The following MGMT variants were observed in gnomAD, a reference collection of about 807,000 sequenced individuals.
MGMT encodes methylated-DNA--protein-cysteine methyltransferase.
Under a neutral mutation model 15.9 loss-of-function variants are expected in MGMT, and 14 were observed. That is an observed-to-expected ratio of 0.88 (90% CI 0.58 to 1.37). The LOEUF (loss-of-function observed/expected upper bound fraction) is 1.37, where lower values mean the gene tolerates loss of function less well. Among genes scored for constraint, MGMT ranks in the 40% most tolerant of loss-of-function variants. The probability of loss-of-function intolerance (pLI) is 0.00; values close to 1 mark genes in which losing one functional copy is unlikely to be tolerated. For synonymous variants in MGMT, 130 were observed against 118.2 expected (o/e 1.10, Z -0.65); for missense variants, 282 against 268.1 (o/e 1.05, Z -0.36).
intron 2 of MGMT, among the ~76,000 whole-genome samples, chr10:129,591,684 C>A (rs1410451812): frequency 6.6e-6 from 1 of 152,226 alleles, no homozygotes; most frequent in Non-Finnish European, 1.5e-5. Flanking sequence ...GTAATCCCAG[C>A]ACTTTGGGAG....
intron 1 of MGMT, among the ~76,000 whole-genome samples, chr10:129,496,328 T>A (rs1433875902): frequency 3.3e-5 from 5 of 152,126 alleles, no homozygotes; most frequent in Non-Finnish European, 7.4e-5. Context: ...GCCTTTTCCA[T>A]AGGCTCCAAT....
chr10:129,541,387 G>A (rs958682175), intron 2 of MGMT, among the ~76,000 whole-genome samples: 3 of 152,348 alleles, frequency 2.0e-5, no homozygotes, highest in African/African-American at 7.2e-5. Flanking sequence ...GCTCCCCCGC[G>A]CCATCTTCCC....
At chr10:129,609,477 G>A (rs1479461697) in intron 2 of MGMT, among the ~76,000 whole-genome samples, 1 of 152,252 alleles carries the variant, frequency 6.6e-6, no homozygotes, top group Non-Finnish European at 1.5e-5. Flanking sequence ...AGGCTGGATG[G>A]TGGAGGTTTG....
At chr10:129,522,773 C>G (rs1202025922) in intron 1 of MGMT, among the ~76,000 whole-genome samples, 1 of 152,180 alleles carries the variant, frequency 6.6e-6, no homozygotes, top group South Asian at 2.1e-4. Context: ...GAAAGAGGAA[C>G]TTCCCCTCAG....
At chr10:129,579,950 G>A (rs900174451) in intron 2 of MGMT, among the ~76,000 whole-genome samples, 8 of 152,318 alleles carry the variant, frequency 5.3e-5, no homozygotes, top group Middle Eastern at 3.4e-3. Flanking sequence ...AGGCCTGCCC[G>A]TGAGAGGTGG....
chr10:129,518,755 G>A (rs897734700), intron 1 of MGMT, among the ~76,000 whole-genome samples: 4 of 150,758 alleles, frequency 2.7e-5, no homozygotes, highest in Admixed American at 2.0e-4. Context: ...TTAGTTGAAT[G>A]TTTATGTTAT....
chr10:129,705,618 C>G (rs1848151556), intron 2 of MGMT, among the ~76,000 whole-genome samples: 1 of 152,226 alleles, frequency 6.6e-6, no homozygotes. Context: ...AAAGCGAGAA[C>G]TAATCGCTCC....
intron 2 of MGMT, among the ~76,000 whole-genome samples, chr10:129,698,100 A>G (rs1589943330): frequency 6.6e-6 from 1 of 152,170 alleles, no homozygotes; most frequent in South Asian, 2.1e-4. Context: ...CTGCAGGGGT[A>G]CCCACCCTCA....
At chr10:129,488,680 A>G (rs1383294554) in intron 1 of MGMT, among the ~76,000 whole-genome samples, 1 of 152,210 alleles carries the variant, frequency 6.6e-6, no homozygotes, top group East Asian at 1.9e-4. Flanking sequence ...TTTTCCTATG[A>G]AAGTATCAGT....
intron 2 of MGMT, among the ~76,000 whole-genome samples, chr10:129,615,952 G>T (rs1847020715): frequency 6.6e-6 from 1 of 152,202 alleles, no homozygotes; most frequent in Admixed American, 6.5e-5. Context: ...GGCTTCTGCT[G>T]TTGGGTGTTG....
chr10:129,705,008 A>C (rs1564767825), intron 2 of MGMT, among the ~76,000 whole-genome samples: 1 of 152,130 alleles, frequency 6.6e-6, no homozygotes, highest in Non-Finnish European at 1.5e-5. Flanking sequence ...ATCTCCCCCA[A>C]CAATGGAAGG....
intron 2 of MGMT, among the ~76,000 whole-genome samples, chr10:129,570,086 C>T (rs184732260): frequency 2.6e-4 from 39 of 152,360 alleles, no homozygotes; most frequent in Admixed American, 1.0e-3. Flanking sequence ...CCCTTGGCCA[C>T]AGCACCCTCC....
intron 2 of MGMT, among the ~76,000 whole-genome samples, chr10:129,537,957 G>C (rs1227584852): frequency 6.6e-6 from 1 of 152,140 alleles, no homozygotes; most frequent in African/African-American, 2.4e-5. Context: ...GCCACAGGTA[G>C]GGGAGAAAGA....
chr10:129,556,687 G>A lies in MGMT; in HGVS notation c.125+20310G>A, dbSNP rs183583773. 7.2e-5 allele frequency among the ~76,000 whole-genome samples: 11 copies of A among 152,296 alleles called. No individual in the cohort carries two copies. The highest frequency in any genetic ancestry group is 3.9e-4 in the East Asian group (2 of 5,188). On this transcript the variant is annotated intron_variant, in intron 2 of 4. Coordinates refer to ENST00000651593, the MANE Select transcript of MGMT (RefSeq NM_002412.5). The surrounding 1 kb of genome is among the most constrained non-coding windows in gnomAD (Gnocchi z 4.3). The stretch of plus-strand genomic sequence containing the variant: ...CGGCAAAGTCAGGACGGGCAGGAGC[G>A]TTCTAGGCAAATGATGAAAATGGTA...
rs1554874799 is a variant in MGMT, at chr10:129,657,703, A to ACG, written c.126-50191_126-50190insGC. Reference sequence around the variant, plus strand: ...CACACACACACACACACACACACACACACGCACACACACACACACACACAC... The same window carrying ACG: ...CACACACACACACACACACACACACACGCACGCACACACACACACACACACAC... On this transcript the variant is annotated intron_variant, in intron 2 of 4. Coordinates refer to ENST00000651593, the MANE Select transcript of MGMT (RefSeq NM_002412.5). Among the ~76,000 whole-genome samples the ACG allele has an allele frequency of 4.2e-3, 528 of 124,556 alleles. 2 individuals carry two copies. Among genetic ancestry groups the ACG allele is most frequent in the African/African-American group, 0.017 (486 of 29,146 alleles). The allele number at this position is 124,556 out of a possible 152,430, so 81.7% of individuals were successfully genotyped here.
At chr10:129,690,514 A>T (rs1270786923) in intron 2 of MGMT, among the ~76,000 whole-genome samples, 1 of 152,216 alleles carries the variant, frequency 6.6e-6, no homozygotes, top group Non-Finnish European at 1.5e-5. Context: ...AAACCACAGG[A>T]CCATACCCAG....
chr10:129,591,093 G>A (rs561270178), intron 2 of MGMT, among the ~76,000 whole-genome samples: 7 of 152,218 alleles, frequency 4.6e-5, no homozygotes, highest in African/African-American at 1.7e-4. Flanking sequence ...GGCCTGCAGA[G>A]ATGGCTTCCT....
rs80200477 is a variant in MGMT, at chr10:129,593,657, G to T, written c.125+57280G>T. On this transcript the variant is annotated intron_variant, in intron 2 of 4. Transcript: ENST00000651593. Reference sequence around the variant, plus strand: ...TCAGAGGTGACAACAACAATGGGTGGCTGAGGCGTAAGTCTCAATCATCCA... The same window carrying T: ...TCAGAGGTGACAACAACAATGGGTGTCTGAGGCGTAAGTCTCAATCATCCA... Among the ~76,000 whole-genome samples the T allele has an allele frequency of 7.4e-3, 1,123 of 152,318 alleles. 12 individuals are homozygous for T. Among genetic ancestry groups the T allele is most frequent in the African/African-American group, 0.023 (958 of 41,560 alleles).
At chr10:129,599,770 G>T (rs1235579563) in intron 2 of MGMT, among the ~76,000 whole-genome samples, 5 of 152,142 alleles carry the variant, frequency 3.3e-5, no homozygotes, top group African/African-American at 1.2e-4. Flanking sequence ...CTTTGAATAG[G>T]TTGTTTCTAT....
Sources: allele counts gnomAD v4.1 joint callset (sites outside exome capture counted in the v4.1 genomes callset), GRCh38; gene constraint gnomAD v4.1.1; non-coding constraint Gnocchi (gnomAD v3.1); transcripts MANE v1.5; gene names NCBI Gene and HGNC (gene_info 2026-07-23, HGNC 2026-07-21).